SGK3: variants seen among roughly 807,000 people sequenced by gnomAD.
The protein encoded by SGK3 is serine/threonine-protein kinase Sgk3.
In SGK3, 47 loss-of-function variants were observed where a neutral mutation model predicts 68.5. That is an observed-to-expected ratio of 0.69 (90% CI 0.54 to 0.87). The LOEUF (loss-of-function observed/expected upper bound fraction) is 0.87, where lower values mean the gene tolerates loss of function less well. SGK3 is among the 40% of genes least tolerant of loss of function. The pLI, the probability that SGK3 is intolerant of heterozygous loss-of-function variation, is 0.00. For missense variants in SGK3, 479 were observed against 575.5 expected (o/e 0.83, Z 1.72); for synonymous variants, 181 against 189.1 (o/e 0.96, Z 0.35).
intron 1 of SGK3, among the ~76,000 whole-genome samples, chr8:66,787,284 A>G (rs1021884609): frequency 6.6e-6 from 1 of 152,150 alleles, no homozygotes; most frequent in African/African-American, 2.4e-5. Context: ...TGAGCACTCA[A>G]TAAGTGTTCA....
chr8:66,793,863 A>G, intron 2 of SGK3, 31 bp downstream of exon 2: 1 of 1,599,954 alleles, frequency 6.3e-7, no homozygotes, highest in South Asian at 1.1e-5. Flanking sequence ...ATGTGGGAAA[A>G]AAGTTGAATG....
intron 15 of SGK3, among the ~76,000 whole-genome samples, chr8:66,850,076 T>C (rs1471661758): frequency 6.6e-6 from 1 of 152,148 alleles, no homozygotes; most frequent in Non-Finnish European, 1.5e-5. Context: ...TATGTGACAG[T>C]CCCATCCCTC....
chr8:66,714,589 A>G (rs1051938134), intron 1 of SGK3, among the ~76,000 whole-genome samples: 2 of 152,152 alleles, frequency 1.3e-5, no homozygotes, highest in Non-Finnish European at 2.9e-5. Flanking sequence ...TAGGATTATG[A>G]AGTGTCTCTT....
At chr8:66,775,173 C>G (rs1389922844) in intron 1 of SGK3, 1 of 152,334 alleles carries the variant, frequency 6.6e-6, no homozygotes, top group Non-Finnish European at 1.5e-5. Context: ...GGGCCTGCCG[C>G]AGGGGGCGGG....
intron 10 of SGK3, among the ~76,000 whole-genome samples, chr8:66,839,080 A>G (rs972712037): frequency 6.6e-6 from 1 of 152,026 alleles, no homozygotes. Context: ...TGGGAAGGGT[A>G]TTTGGAGAAA....
At chr8:66,850,364 TA>T (rs1310380605) in intron 15 of SGK3, among the ~76,000 whole-genome samples, 3 of 152,230 alleles carry the variant, frequency 2.0e-5, no homozygotes, top group African/African-American at 4.8e-5. Flanking sequence ...CTGAGTGGGA[TA>T]TTTTTTTATT....
In SGK3 at chr8:66,843,397, A is replaced by C. The variant is rs970860629; in HGVS notation, c.979-55A>C. 43 of 1,537,442 alleles carry C rather than the reference A, an allele frequency of 2.8e-5. No homozygotes were observed. The South Asian group carries it at 4.3e-4, about 15-fold the overall frequency. ...TTGTTAAATTTCTCAATTATTTATA[A>C]ATTTTGTCTTGATTTGTTTACTGAC... On this transcript the variant is annotated intron_variant, in intron 13 of 16. Coordinates refer to ENST00000521198, the MANE Select transcript of SGK3 (RefSeq NM_001033578.3).
At chr8:66,744,713 C>T (rs1225318061) in intron 1 of SGK3, among the ~76,000 whole-genome samples, 1 of 150,332 alleles carries the variant, frequency 6.7e-6, no homozygotes, top group African/African-American at 2.4e-5. Context: ...ACCATGTTGG[C>T]CAGGCTGGTC....
At chr8:66,790,072 C>A (rs1333140694) in intron 1 of SGK3, among the ~76,000 whole-genome samples, 2 of 151,770 alleles carry the variant, frequency 1.3e-5, no homozygotes, top group African/African-American at 4.8e-5. Flanking sequence ...AGTGAGACCC[C>A]ATCTCAAAAA....
chr8:66,727,689 C>G lies in SGK3; in HGVS notation c.-122+14856C>G, dbSNP rs151191769. Among the ~76,000 whole-genome samples, 4 of 152,312 alleles carry G rather than the reference C, an allele frequency of 2.6e-5. No individual in the cohort carries two copies. In the East Asian group the frequency reaches 7.7e-4, roughly 29 times the overall value. On this transcript the variant is annotated intron_variant, in intron 1 of 16. Coordinates refer to ENST00000521198, the MANE Select transcript of SGK3 (RefSeq NM_001033578.3). ...AGTTTGTCCTTTTTGCCCTTTCTAC[C>G]TTCCTCCATTCAAGGACACAGCAAG...
intron 1 of SGK3, among the ~76,000 whole-genome samples, chr8:66,744,531 T>TGTTTG (rs757878685): frequency 0.021 from 2,268 of 107,672 alleles, 194 homozygotes; most frequent in African/African-American, 0.08. Context: ...TTTTTTTTTT[T>TGTTTG]TTTTTTTTTT....
chr8:66,741,746 G>A (rs913698626), intron 1 of SGK3, among the ~76,000 whole-genome samples: 1 of 152,080 alleles, frequency 6.6e-6, no homozygotes, highest in African/African-American at 2.4e-5. Flanking sequence ...TTATATGTTG[G>A]TGCACTAAAC....
intron 1 of SGK3, among the ~76,000 whole-genome samples, chr8:66,792,976 GGTGAC>G (rs1807526634): frequency 6.6e-6 from 1 of 152,196 alleles, no homozygotes; most frequent in Non-Finnish European, 1.5e-5. Flanking sequence ...GTGTAGCAAA[GGTGAC>G]ATCAGTGTGA....
intron 4 of SGK3, among the ~76,000 whole-genome samples, chr8:66,808,867 T>A (rs929409753): frequency 7.9e-5 from 12 of 151,206 alleles, no homozygotes; most frequent in Non-Finnish European, 1.5e-5. Context: ...ATTATTTATT[T>A]ATTTATTTAT....
intron 3 of SGK3, among the ~76,000 whole-genome samples, chr8:66,803,417 C>A (rs1808025899): frequency 1.6e-5 from 2 of 122,928 alleles, no homozygotes; most frequent in African/African-American, 8.9e-5. Flanking sequence ...GCAACCTTGA[C>A]CTCCCTGGCT....
chr8:66,772,127 G>A (rs78670730), intron 1 of SGK3, among the ~76,000 whole-genome samples: 1 of 16 alleles, frequency 0.062, no homozygotes, highest in Non-Finnish European at 0.1. Context: ...TGGGAGTCTC[G>A]CTCTGTCGCC....
In SGK3 at chr8:66,804,358, A is replaced by T; in HGVS notation, c.181-17A>T. 1 of 1,597,566 alleles carries T rather than the reference A, an allele frequency of 6.3e-7. No homozygotes were observed. Among genetic ancestry groups the T allele is most frequent in the South Asian group, 1.1e-5 (1 of 88,944 alleles). ...TTATAAAATTAGTTCATATAATGTT[A>T]TTTTTAAAAATTTTAGTTAAAAAAA... is the stretch of plus-strand genomic sequence containing the variant. On this transcript the variant is annotated splice_polypyrimidine_tract_variant and intron_variant, in intron 3 of 16. Coordinates refer to ENST00000521198, the MANE Select transcript of SGK3 (RefSeq NM_001033578.3).
intron 1 of SGK3, among the ~76,000 whole-genome samples, chr8:66,778,435 T>G (rs1806809997): frequency 6.6e-6 from 1 of 152,210 alleles, no homozygotes; most frequent in Non-Finnish European, 1.5e-5. Context: ...TAGCTGGGAC[T>G]ACAGGCGCCC....
chr8:66,820,149 A>G (rs149330307), intron 5 of SGK3, among the ~76,000 whole-genome samples: 1 of 152,176 alleles, frequency 6.6e-6, no homozygotes, highest in East Asian at 1.9e-4. Flanking sequence ...ATGCTTTACA[A>G]CCATCATCAC....
Sources: gnomAD v4.1 joint callset for allele counts (sites outside exome capture counted in the v4.1 genomes callset) on GRCh38, gnomAD v4.1.1 for gene constraint, MANE v1.5 for transcripts, NCBI Gene and HGNC (gene_info 2026-07-23, HGNC 2026-07-21) for gene names.